The following B3GALT1 variants were observed in gnomAD, a reference collection of about 807,000 sequenced individuals.
The protein encoded by B3GALT1 is beta-1,3-galactosyltransferase 1.
Under a neutral mutation model 23.2 loss-of-function variants are expected in B3GALT1, and 10 were observed. The observed-to-expected ratio is 0.43, with a 90% CI of 0.27 to 0.73. B3GALT1 has a LOEUF of 0.73. Ranked by LOEUF, B3GALT1 falls within the 30% of genes least tolerant of loss-of-function variation. The probability of loss-of-function intolerance (pLI) is 0.21; values close to 1 mark genes in which losing one functional copy is unlikely to be tolerated. For synonymous variants in B3GALT1, 156 were observed against 141.5 expected (o/e 1.10, Z -0.73); for missense variants, 299 against 405.4 (o/e 0.74, Z 2.25).
At chr2:167,821,998 T>A (rs899591615) in intron 4 of B3GALT1, among the ~76,000 whole-genome samples, 1 of 152,168 alleles carries the variant, frequency 6.6e-6, no homozygotes, top group African/African-American at 2.4e-5. Flanking sequence ...GCTAGGTGCT[T>A]TCATATGCAT....
intron 3 of B3GALT1, among the ~76,000 whole-genome samples, chr2:167,765,020 C>G (rs1687955186): frequency 6.6e-6 from 1 of 152,248 alleles, no homozygotes; most frequent in South Asian, 2.1e-4. Context: ...AACCTTTACC[C>G]ACCTGCATCA....
At chr2:167,314,866 A>G (rs1159668878) in intron 1 of B3GALT1, among the ~76,000 whole-genome samples, 1 of 151,774 alleles carries the variant, frequency 6.6e-6, no homozygotes, top group Admixed American at 6.6e-5. Flanking sequence ...ATATAACCTC[A>G]TAGCCTAATA....
chr2:167,565,202 G>A (rs1464372879), intron 2 of B3GALT1, among the ~76,000 whole-genome samples: 2 of 152,090 alleles, frequency 1.3e-5, no homozygotes, highest in East Asian at 1.9e-4. Context: ...AAATAATGCT[G>A]CATATCTACA....
At chr2:167,694,121 T>C (rs908181648) in intron 3 of B3GALT1, among the ~76,000 whole-genome samples, 8 of 152,118 alleles carry the variant, frequency 5.3e-5, no homozygotes, top group South Asian at 4.1e-4. Flanking sequence ...TTTACCCTCA[T>C]GATCTAATTA....
intron 1 of B3GALT1, among the ~76,000 whole-genome samples, chr2:167,443,685 T>G (rs2105314905): frequency 6.6e-6 from 1 of 152,314 alleles, no homozygotes; most frequent in South Asian, 2.1e-4. Flanking sequence ...TATGGGTATA[T>G]AGGAATGTTT....
chr2:167,358,928 A>G (rs1237716820), intron 1 of B3GALT1, among the ~76,000 whole-genome samples: 4 of 152,046 alleles, frequency 2.6e-5, no homozygotes, highest in East Asian at 1.9e-4. Flanking sequence ...TCGCCTCCCA[A>G]GTAGCTGGGA....
chr2:167,787,572 A>C (rs1267129703), intron 3 of B3GALT1, among the ~76,000 whole-genome samples: 1 of 152,208 alleles, frequency 6.6e-6, no homozygotes, highest in Non-Finnish European at 1.5e-5. Context: ...TGAAGCCTCA[A>C]AGCTGACATA....
At chr2:167,658,605 TA>T (rs1685997845) in intron 3 of B3GALT1, among the ~76,000 whole-genome samples, 1 of 152,020 alleles carries the variant, frequency 6.6e-6, no homozygotes, top group African/African-American at 2.4e-5. Context: ...ATGATAGAAA[TA>T]AGGGCTTTTA....
At chr2:167,793,387 G>T (rs923001430) in intron 3 of B3GALT1, among the ~76,000 whole-genome samples, 2 of 152,190 alleles carry the variant, frequency 1.3e-5, no homozygotes, top group African/African-American at 2.4e-5. Flanking sequence ...GAGTGGCTTA[G>T]ATCACTGTGA....
intron 3 of B3GALT1, among the ~76,000 whole-genome samples, chr2:167,720,551 A>T (rs963364660): frequency 2.6e-5 from 4 of 152,142 alleles, no homozygotes; most frequent in Non-Finnish European, 5.9e-5. Context: ...GGAGTTCAAC[A>T]AAAAGAAGGT....
At chr2:167,303,338 GT>G (rs1450533482) in intron 1 of B3GALT1, among the ~76,000 whole-genome samples, 2 of 152,032 alleles carry the variant, frequency 1.3e-5, no homozygotes, top group African/African-American at 2.4e-5. Flanking sequence ...CATATACTTA[GT>G]TTTCATTCCT....
At chr2:167,651,460 C>T (rs753301427) in intron 3 of B3GALT1, among the ~76,000 whole-genome samples, 1 of 152,106 alleles carries the variant, frequency 6.6e-6, no homozygotes, top group South Asian at 2.1e-4. Flanking sequence ...ACCTGAGTCA[C>T]TAAATTATCT....
intron 2 of B3GALT1, among the ~76,000 whole-genome samples, chr2:167,609,465 T>G (rs1366678056): frequency 6.6e-6 from 1 of 152,118 alleles, no homozygotes; most frequent in East Asian, 1.9e-4. Flanking sequence ...AATAGTGTCC[T>G]CAAGGTTCTA....
chr2:167,318,943 T>C, intron 1 of B3GALT1, among the ~76,000 whole-genome samples: 1 of 152,274 alleles, frequency 6.6e-6, no homozygotes, highest in East Asian at 1.9e-4. Flanking sequence ...GCCCATTCCC[T>C]GAGGAGAACA....
Position 167,608,317 on chromosome 2 carries a change from GT to G in B3GALT1, c.-409-38587del, listed in dbSNP as rs1685001788. Among the ~76,000 whole-genome samples the G allele has an allele frequency of 2.0e-5, 3 of 152,092 alleles. No homozygotes were observed. The South Asian group carries it at 6.2e-4, about 32-fold the overall frequency. ...TTTCTGTCCCACGGGAGGCATTTTA[GT>G]TTTTGTCATAATACATATTCATCTG... On this transcript the variant is annotated intron_variant, in intron 2 of 4. Coordinates refer to ENST00000392690, the MANE Select transcript of B3GALT1 (RefSeq NM_020981.4).
intron 3 of B3GALT1, among the ~76,000 whole-genome samples, chr2:167,659,623 G>A (rs1434319467): frequency 6.6e-6 from 1 of 152,030 alleles, no homozygotes; most frequent in East Asian, 1.9e-4. Flanking sequence ...CCTGTGCTGG[G>A]CTCTGTCTTC....
chr2:167,866,136 G>C (rs952618278), intron 4 of B3GALT1, among the ~76,000 whole-genome samples: 1 of 152,134 alleles, frequency 6.6e-6, no homozygotes, highest in African/African-American at 2.4e-5. Context: ...ATTCAACTTG[G>C]TTCCCCTTTA....
chr2:167,397,437 T>C (rs1202390656), intron 1 of B3GALT1, among the ~76,000 whole-genome samples: 1 of 152,102 alleles, frequency 6.6e-6, no homozygotes, highest in African/African-American at 2.4e-5. Context: ...AAGGAGAATC[T>C]TCTTTCTCTC....
intron 3 of B3GALT1, among the ~76,000 whole-genome samples, chr2:167,755,680 A>G (rs1687804700): frequency 6.6e-6 from 1 of 151,858 alleles, no homozygotes; most frequent in Admixed American, 6.6e-5. Flanking sequence ...TTCAAAAGAG[A>G]CCATTGGCTG....
Sources: gnomAD v4.1 joint callset for allele counts (sites outside exome capture counted in the v4.1 genomes callset) on GRCh38, gnomAD v4.1.1 for gene constraint, MANE v1.5 for transcripts, NCBI Gene and HGNC (gene_info 2026-07-23, HGNC 2026-07-21) for gene names.